SLC44A5: variants seen among roughly 807,000 people sequenced by gnomAD.
SLC44A5 encodes solute carrier family 44 member 5.
SLC44A5 carries 57 observed loss-of-function variants against 101.8 expected under a neutral mutation model. The ratio of observed to expected loss-of-function variants is 0.56; its 90% CI spans 0.45 to 0.70. SLC44A5 has a LOEUF of 0.70. SLC44A5 is among the 30% of genes least tolerant of loss of function. The pLI, the probability that SLC44A5 is intolerant of heterozygous loss-of-function variation, is 0.00. For synonymous variants in SLC44A5, 281 were observed against 290.9 expected (o/e 0.97, Z 0.35); for missense variants, 737 against 853.1 (o/e 0.86, Z 1.70).
intron 2 of SLC44A5, among the ~76,000 whole-genome samples, chr1:75,422,505 CTTTAG>C (rs747554485): frequency 1.3e-5 from 2 of 151,906 alleles, no homozygotes; most frequent in African/African-American, 2.4e-5. Context: ...AGAAAGTAAA[CTTTAG>C]TTTATTTAGT....
intron 1 of SLC44A5, among the ~76,000 whole-genome samples, chr1:75,555,331 T>C (rs1672158993): frequency 6.6e-6 from 1 of 152,140 alleles, no homozygotes. Context: ...GATGAAAATG[T>C]TCTATATCTT....
chr1:75,722,052 ATAGC>A, the SLC44A5 span, among the ~76,000 whole-genome samples: 1 of 152,234 alleles, frequency 6.6e-6, no homozygotes, highest in Non-Finnish European at 1.5e-5. Flanking sequence ...TAGGAGACAT[ATAGC>A]TAAAGTATTC....
chr1:75,593,726 A>G (rs930282721), intron 1 of SLC44A5, among the ~76,000 whole-genome samples: 2 of 152,132 alleles, frequency 1.3e-5, no homozygotes, highest in Non-Finnish European at 2.9e-5. Context: ...TAAGCGAAAT[A>G]AGCAGGCACA....
At chr1:75,667,951 A>C in the SLC44A5 span, among the ~76,000 whole-genome samples, 1 of 152,238 alleles carries the variant, frequency 6.6e-6, no homozygotes, top group African/African-American at 2.4e-5. Flanking sequence ...GATAGCAAGC[A>C]TGCTCCCAGA....
At chr1:75,287,533 AT>A (rs1653168808) in intron 5 of SLC44A5, among the ~76,000 whole-genome samples, 1 of 138,158 alleles carries the variant, frequency 7.2e-6, no homozygotes, top group Admixed American at 8.3e-5. Context: ...GTTTTGTCAT[AT>A]TACTAGAATT....
At chr1:75,480,352 A>T (rs1448567403) in intron 2 of SLC44A5, among the ~76,000 whole-genome samples, 1 of 152,242 alleles carries the variant, frequency 6.6e-6, no homozygotes, top group Non-Finnish European at 1.5e-5. Context: ...CAAGACAGGG[A>T]TGCTCTTTCT....
chr1:75,637,615 C>G, the SLC44A5 span, among the ~76,000 whole-genome samples: 14 of 151,980 alleles, frequency 9.2e-5, no homozygotes, highest in South Asian at 2.7e-3. Flanking sequence ...GTTAATGACA[C>G]TGAATTGCAA....
In SLC44A5 at chr1:75,230,333, C is replaced by T. The variant is rs187197777; in HGVS notation, c.854-2476G>A. Among the ~76,000 whole-genome samples, 828 of 151,944 alleles carry T rather than the reference C, an allele frequency of 5.4e-3. 8 individuals are homozygous for T. Among genetic ancestry groups the T allele is most frequent in the African/African-American group, 0.019 (800 of 41,440 alleles). ...CACAATCTCAGCTCACTGCAACCTC[C>T]GCCTCCTGAGTTCAAGCAATTCTCG... On this transcript the variant is annotated intron_variant, in intron 12 of 23. Coordinates refer to ENST00000370859, the MANE Select transcript of SLC44A5 (RefSeq NM_001130058.2).
intron 5 of SLC44A5, among the ~76,000 whole-genome samples, chr1:75,284,693 A>G (rs584203): frequency 2.9e-4 from 44 of 152,014 alleles, no homozygotes; most frequent in African/African-American, 1.0e-3. Context: ...TTATATGCCA[A>G]TTTTGCTGAG....
intron 2 of SLC44A5, among the ~76,000 whole-genome samples, chr1:75,478,263 G>A (rs1054518689): frequency 4.1e-4 from 62 of 152,078 alleles, no homozygotes; most frequent in Admixed American, 1.6e-3. Context: ...CACTAAACAT[G>A]GAAAGGAACA....
chr1:75,701,364 A>G, the SLC44A5 span, among the ~76,000 whole-genome samples: 1 of 152,238 alleles, frequency 6.6e-6, no homozygotes, highest in Admixed American at 6.5e-5. Context: ...ACGCAAATCA[A>G]TAAACATAAT....
intron 2 of SLC44A5, among the ~76,000 whole-genome samples, chr1:75,396,875 G>C (rs76949596): frequency 0.092 from 14,069 of 152,148 alleles, 901 homozygotes; most frequent in Admixed American, 0.2. Flanking sequence ...ATGAAATAAA[G>C]CTGTTAATTC....
intron 3 of SLC44A5, among the ~76,000 whole-genome samples, chr1:75,347,878 A>T (rs1489433624): frequency 6.6e-6 from 1 of 152,186 alleles, no homozygotes; most frequent in African/African-American, 2.4e-5. Flanking sequence ...TTTTTCTCAC[A>T]AAATGGATTT....
chr1:75,480,721 G>C (rs1667787039), intron 2 of SLC44A5, among the ~76,000 whole-genome samples: 1 of 151,992 alleles, frequency 6.6e-6, no homozygotes, highest in Non-Finnish European at 1.5e-5. Flanking sequence ...TCTTCAAGGA[G>C]AACTACAAAC....
At chr1:75,217,747 G>A (rs186579282) in intron 18 of SLC44A5, 119 bp downstream of exon 18, 52 of 701,266 alleles carry the variant, frequency 7.4e-5, no homozygotes, top group African/African-American at 6.9e-4. Context: ...AGAACAGAAC[G>A]GGTCCCAAAT....
At chr1:75,533,322 T>C (rs1378896403) in intron 2 of SLC44A5, among the ~76,000 whole-genome samples, 3 of 152,170 alleles carry the variant, frequency 2.0e-5, no homozygotes, top group Admixed American at 6.5e-5. Context: ...CCATGAAAAA[T>C]TGGAGGAACG....
At chr1:75,593,249 G>T (rs1259119913) in intron 1 of SLC44A5, among the ~76,000 whole-genome samples, 1 of 152,004 alleles carries the variant, frequency 6.6e-6, no homozygotes, top group Non-Finnish European at 1.5e-5. Flanking sequence ...CAAAACCATT[G>T]CTTATCAGAG....
chr1:75,664,325 GA>G, the SLC44A5 span, among the ~76,000 whole-genome samples: 2 of 151,980 alleles, frequency 1.3e-5, no homozygotes, highest in African/African-American at 4.8e-5. Context: ...AATCAGGCAA[GA>G]AAAAGAAATA....
intron 2 of SLC44A5, among the ~76,000 whole-genome samples, chr1:75,443,164 A>T (rs1665304705): frequency 6.6e-6 from 1 of 152,188 alleles, no homozygotes; most frequent in Non-Finnish European, 1.5e-5. Flanking sequence ...GTTTAAGCTA[A>T]ACCTGTAGCC....
Sources: allele counts gnomAD v4.1 joint callset (sites outside exome capture counted in the v4.1 genomes callset), GRCh38; gene constraint gnomAD v4.1.1; transcripts MANE v1.5; gene names NCBI Gene and HGNC (gene_info 2026-07-23, HGNC 2026-07-21).